RGS6: variants seen among roughly 807,000 people sequenced by gnomAD.
The protein encoded by RGS6 is regulator of G protein signaling 6, also known as regulator of G-protein signaling 6.
Under a neutral mutation model 78.5 loss-of-function variants are expected in RGS6, and 30 were observed. That is an observed-to-expected ratio of 0.38 (90% CI 0.29 to 0.52). The LOEUF (loss-of-function observed/expected upper bound fraction) is 0.52, where lower values mean the gene tolerates loss of function less well. RGS6 is among the 20% of genes least tolerant of loss of function. The pLI is 0.85. For synonymous variants in RGS6, 206 were observed against 206.0 expected, an observed-to-expected ratio of 1.00 and a Z score of 0.00; for missense variants, 495 against 609.7, an observed-to-expected ratio of 0.81 and a Z score of 1.98.
the RGS6 span, among the ~76,000 whole-genome samples, chr14:72,623,089 C>G: frequency 2.0e-5 from 3 of 152,090 alleles, no homozygotes; most frequent in African/African-American, 7.2e-5. Flanking sequence ...ATACTTGTTA[C>G]CATTTTTCAT....
chr14:72,428,884 C>T (rs1346313987), intron 3 of RGS6, among the ~76,000 whole-genome samples: 2 of 152,210 alleles, frequency 1.3e-5, no homozygotes, highest in Non-Finnish European at 2.9e-5. Flanking sequence ...CTGGACCCCT[C>T]CTCTAGAAGG....
At chr14:72,537,225 G>A (rs1347244387) in intron 16 of RGS6, among the ~76,000 whole-genome samples, 1 of 152,058 alleles carries the variant, frequency 6.6e-6, no homozygotes, top group East Asian at 1.9e-4. Flanking sequence ...CTCCCTCCTG[G>A]ACTCCCAGCC....
intron 2 of RGS6, among the ~76,000 whole-genome samples, chr14:72,178,650 AG>A (rs2097136145): frequency 1.3e-5 from 2 of 152,306 alleles, no homozygotes; most frequent in South Asian, 4.1e-4. Flanking sequence ...TATTGAAGAA[AG>A]GGAAGGGTTT....
the RGS6 span, among the ~76,000 whole-genome samples, chr14:71,883,253 C>G: frequency 6.6e-6 from 1 of 152,184 alleles, no homozygotes; most frequent in Admixed American, 6.5e-5. Flanking sequence ...ATGGCTGATT[C>G]AGTTCACACT....
intron 2 of RGS6, among the ~76,000 whole-genome samples, chr14:72,112,800 TG>T (rs2095797898): frequency 6.6e-6 from 1 of 152,196 alleles, no homozygotes; most frequent in African/African-American, 2.4e-5. Context: ...ACCCTGGTCT[TG>T]GGCATCTGAC....
the RGS6 span, among the ~76,000 whole-genome samples, chr14:71,885,908 CTTCT>C: frequency 1.2e-3 from 187 of 151,030 alleles, no homozygotes; most frequent in African/African-American, 4.5e-3. Flanking sequence ...TCCTTCTTTC[CTTCT>C]TTCTTCTTTC....
At chr14:72,312,592 C>A (rs1251127010) in intron 2 of RGS6, among the ~76,000 whole-genome samples, 2 of 152,140 alleles carry the variant, frequency 1.3e-5, no homozygotes, top group Non-Finnish European at 2.9e-5. Context: ...ATAATACCTG[C>A]CCTGGCCAAC....
intron 2 of RGS6, among the ~76,000 whole-genome samples, chr14:72,298,621 TGTATTTTTA>T (rs944220910): frequency 5.3e-5 from 8 of 151,864 alleles, no homozygotes; most frequent in African/African-American, 1.9e-4. Flanking sequence ...CTAATTTTTT[TGTATTTTTA>T]GTAGAGACGG....
At chr14:72,396,847 A>G (rs1171373167) in intron 3 of RGS6, among the ~76,000 whole-genome samples, 1 of 152,176 alleles carries the variant, frequency 6.6e-6, no homozygotes, top group East Asian at 1.9e-4. Context: ...CAAAGATCAG[A>G]TAGTTGTAGA....
chr14:72,050,637 T>C (rs1478371087), intron 2 of RGS6, among the ~76,000 whole-genome samples: 1 of 152,216 alleles, frequency 6.6e-6, no homozygotes, highest in East Asian at 1.9e-4. Context: ...GGAAAGGAGA[T>C]GCTGTGTCTC....
the RGS6 span, among the ~76,000 whole-genome samples, chr14:72,621,024 C>A: frequency 6.6e-6 from 1 of 152,124 alleles, no homozygotes; most frequent in South Asian, 2.1e-4. Flanking sequence ...ACCTGTAATC[C>A]CAGCTACTCA....
chr14:72,361,377 G>T (rs1216087113), intron 3 of RGS6, among the ~76,000 whole-genome samples: 2 of 152,168 alleles, frequency 1.3e-5, no homozygotes, highest in Non-Finnish European at 2.9e-5. Flanking sequence ...ACAAGAACAT[G>T]AGATGGATGA....
chr14:72,619,806 C>T, the RGS6 span: 6 of 1,143,738 alleles, frequency 5.2e-6, no homozygotes, highest in South Asian at 1.9e-5. Context: ...AACATGTAAA[C>T]CCATTAGCAT....
intron 2 of RGS6, among the ~76,000 whole-genome samples, chr14:72,241,169 A>C (rs1025043917): frequency 6.6e-5 from 10 of 151,966 alleles, no homozygotes; most frequent in African/African-American, 2.2e-4. Context: ...AAAAAAAAAA[A>C]AACAAAACTT....
rs541665594 is a variant in RGS6, at chr14:72,493,427, G to A, written c.855-1725G>A. ...AAAAAATAAATAAATAGTTAAAAGAGAGTTTAACAAAAAGACAAGGAGATG... is the reference window on the plus strand; with the variant it reads ...AAAAAATAAATAAATAGTTAAAAGAAAGTTTAACAAAAAGACAAGGAGATG... On this transcript the variant is annotated intron_variant, in intron 12 of 17. Coordinates refer to ENST00000553525, the MANE Select transcript of RGS6 (RefSeq NM_001204424.2). 2.0e-4 allele frequency among the ~76,000 whole-genome samples: 30 copies of A among 151,816 alleles called. 1 individual carries two copies. The South Asian group carries it at 6.2e-3, about 32-fold the overall frequency.
chr14:72,211,182 T>G (rs1156363310), intron 2 of RGS6, among the ~76,000 whole-genome samples: 2 of 152,144 alleles, frequency 1.3e-5, no homozygotes, highest in Non-Finnish European at 2.9e-5. Context: ...TCTTGGAGGT[T>G]TTGAAGAATC....
the RGS6 span, among the ~76,000 whole-genome samples, chr14:71,903,897 T>C: frequency 2.6e-5 from 4 of 152,300 alleles, no homozygotes; most frequent in East Asian, 3.9e-4. Context: ...GGAGACTACC[T>C]GTTTACACAT....
At chr14:72,546,167 T>C (rs910893988) in intron 17 of RGS6, among the ~76,000 whole-genome samples, 1 of 152,240 alleles carries the variant, frequency 6.6e-6, no homozygotes, top group African/African-American at 2.4e-5. Flanking sequence ...GACAGTGTTA[T>C]CCTGTTTACA....
intron 1 of RGS6, among the ~76,000 whole-genome samples, chr14:71,947,203 G>A (rs112083386): frequency 4.6e-5 from 7 of 152,128 alleles, no homozygotes; most frequent in African/African-American, 1.7e-4. Context: ...GCTGACTCCT[G>A]GGTCTCCCTG....
Sources: allele counts gnomAD v4.1 joint callset (sites outside exome capture counted in the v4.1 genomes callset), GRCh38; gene constraint gnomAD v4.1.1; transcripts MANE v1.5; gene names NCBI Gene and HGNC (gene_info 2026-07-23, HGNC 2026-07-21).